The following EHBP1 variants were observed in gnomAD, a reference collection of about 807,000 sequenced individuals.
EHBP1 encodes EH domain-binding protein 1.
EHBP1 carries 55 observed loss-of-function variants against 144.0 expected under a neutral mutation model. That is an observed-to-expected ratio of 0.38 (90% CI 0.31 to 0.48). EHBP1 has a LOEUF of 0.48. EHBP1 is among the 20% of genes least tolerant of loss of function. EHBP1 has a pLI of 0.98. For synonymous variants in EHBP1, 469 were observed against 472.7 expected, an observed-to-expected ratio of 0.99 and a Z score of 0.10; for missense variants, 1,200 against 1,364.2, an observed-to-expected ratio of 0.88 and a Z score of 1.90.
At chr2:62,748,847 T>C (rs2039401571) in intron 3 of EHBP1, among the ~76,000 whole-genome samples, 2 of 152,162 alleles carry the variant, frequency 1.3e-5, no homozygotes, top group Non-Finnish European at 2.9e-5. Context: ...TTTTCAAGTC[T>C]TTTATTTTTA....
intron 5 of EHBP1, among the ~76,000 whole-genome samples, chr2:62,818,310 GT>G (rs2045599413): frequency 6.7e-6 from 1 of 148,746 alleles, no homozygotes. Flanking sequence ...CATTTAAAAA[GT>G]TTTTTAAATG....
intron 17 of EHBP1, 93 bp downstream of exon 17, chr2:62,993,761 A>T (rs1295404648): frequency 1.4e-6 from 1 of 711,128 alleles, no homozygotes; most frequent in Non-Finnish European, 2.0e-6. Context: ...TATATATAGC[A>T]TATATATATA....
chr2:62,799,003 CAAAAAA>C (rs757731955), intron 5 of EHBP1, among the ~76,000 whole-genome samples: 28 of 76,786 alleles, frequency 3.6e-4, no homozygotes, highest in African/African-American at 1.4e-3. Flanking sequence ...GACTCCGTCT[CAAAAAA>C]AAAAAAAAAA....
chr2:62,833,723 C>G (rs1287958488), intron 7 of EHBP1, among the ~76,000 whole-genome samples: 1 of 152,192 alleles, frequency 6.6e-6, no homozygotes, highest in African/African-American at 2.4e-5. Flanking sequence ...TTCTGCAGCA[C>G]ATAGTTCAAG....
At chr2:62,901,788 A>G (rs1249921496) in intron 10 of EHBP1, among the ~76,000 whole-genome samples, 1 of 152,038 alleles carries the variant, frequency 6.6e-6, no homozygotes, top group African/African-American at 2.4e-5. Context: ...CAACATGGCA[A>G]AACCCTATCT....
At chr2:62,908,533 T>A (rs1051674611) in intron 10 of EHBP1, among the ~76,000 whole-genome samples, 22 of 152,158 alleles carry the variant, frequency 1.4e-4, no homozygotes, top group Admixed American at 5.9e-4. Flanking sequence ...ACCTTTATTC[T>A]TTTTTAATAT....
chr2:62,787,044 T>C (rs903631927), intron 5 of EHBP1, among the ~76,000 whole-genome samples: 2 of 152,206 alleles, frequency 1.3e-5, no homozygotes, highest in African/African-American at 4.8e-5. Flanking sequence ...CTGTATTTCA[T>C]AGCCTTGCAA....
intron 7 of EHBP1, among the ~76,000 whole-genome samples, chr2:62,854,885 G>A (rs1319700019): frequency 6.6e-6 from 1 of 152,180 alleles, no homozygotes; most frequent in Non-Finnish European, 1.5e-5. Flanking sequence ...TTCTGAGTTG[G>A]GGCTGGAGCT....
At chr2:63,000,304 T>A (rs2059796575) in intron 19 of EHBP1, among the ~76,000 whole-genome samples, 1 of 152,116 alleles carries the variant, frequency 6.6e-6, no homozygotes, top group African/African-American at 2.4e-5. Context: ...TATGTCTGGT[T>A]CCTTCTAAAA....
intron 2 of EHBP1, among the ~76,000 whole-genome samples, chr2:62,711,050 C>T (rs562280187): frequency 6.6e-6 from 1 of 152,238 alleles, no homozygotes; most frequent in East Asian, 1.9e-4. Context: ...TATGGACTGT[C>T]ATGAGTAAAA....
Position 62,729,526 on chromosome 2 carries a change from AT to A in EHBP1, c.105-17868del, listed in dbSNP as rs1395694323. 1.6e-4 allele frequency among the ~76,000 whole-genome samples: 16 copies of A among 100,038 alleles called. No homozygotes were observed. The South Asian group carries it at 2.4e-3, about 15-fold the overall frequency. The allele number at this position is 100,038 out of a possible 152,430, so 65.6% of individuals were successfully genotyped here. The stretch of plus-strand genomic sequence containing the variant: ...AATAAATATAATAAAATAAATAAAT[AT>A]AATATATATAATATATATTATATAT... On this transcript the variant is annotated intron_variant, in intron 2 of 22. Transcript: ENST00000431489.
At chr2:62,758,993 G>T (rs576608587) in intron 3 of EHBP1, among the ~76,000 whole-genome samples, 2 of 152,126 alleles carry the variant, frequency 1.3e-5, no homozygotes, top group Non-Finnish European at 1.5e-5. Context: ...CAGAAATAAC[G>T]AATGATTGCT....
Position 62,806,249 on chromosome 2 carries a change from GCTGGGATTGCAGGCATGAGCCA to G in EHBP1, c.313-19834_313-19813del, listed in dbSNP as rs1342318744. ...TCCTCTTGTCTTGACCTCCCAAAGT[GCTGGGATTGCAGGCATGAGCCA>G]CTGTGCCCAGCCAGTTACTATTTTC... On this transcript the variant is annotated intron_variant, in intron 5 of 22. Coordinates refer to ENST00000431489, the MANE Select transcript of EHBP1 (RefSeq NM_001142616.3). 6.6e-5 allele frequency among the ~76,000 whole-genome samples: 10 copies of G among 152,278 alleles called. No individual in the cohort carries two copies. The East Asian group carries it at 1.9e-3, about 29-fold the overall frequency.
At chr2:62,879,630 G>A (rs1327906521) in intron 10 of EHBP1, among the ~76,000 whole-genome samples, 2 of 149,964 alleles carry the variant, frequency 1.3e-5, no homozygotes, top group African/African-American at 4.9e-5. Flanking sequence ...GGGAGAGAGA[G>A]CCTATGAATA....
chr2:62,950,874 G>A (rs377103582), intron 13 of EHBP1, among the ~76,000 whole-genome samples: 40 of 151,976 alleles, frequency 2.6e-4, no homozygotes, highest in Middle Eastern at 6.8e-3. Flanking sequence ...TAGTAGAGAC[G>A]GTGTTTCTCC....
At chr2:62,764,178 C>A in intron 3 of EHBP1, 88 bp from the exon 4 acceptor site, 1 of 926,528 alleles carries the variant, frequency 1.1e-6, no homozygotes, top group Non-Finnish European at 1.6e-6. Context: ...TCCTGTACTT[C>A]ATATTGAAGG....
At chr2:62,708,509 C>T (rs2034816471) in intron 2 of EHBP1, among the ~76,000 whole-genome samples, 1 of 152,176 alleles carries the variant, frequency 6.6e-6, no homozygotes, top group Non-Finnish European at 1.5e-5. Context: ...TATTTAACTT[C>T]TCCGTGATTC....
At chr2:63,009,233 A>C (rs1222427608) in intron 19 of EHBP1, among the ~76,000 whole-genome samples, 2 of 151,690 alleles carry the variant, frequency 1.3e-5, no homozygotes, top group Non-Finnish European at 3.0e-5. Context: ...TGTAAAACTC[A>C]AGTACATTTC....
intron 1 of EHBP1, among the ~76,000 whole-genome samples, chr2:62,699,013 T>C (rs1036826994): frequency 4.3e-4 from 66 of 152,348 alleles, no homozygotes; most frequent in African/African-American, 1.5e-3. Context: ...GTGTGTTCTT[T>C]GTACTGTATG....
Sources: allele counts gnomAD v4.1 joint callset (sites outside exome capture counted in the v4.1 genomes callset), GRCh38; gene constraint gnomAD v4.1.1; transcripts MANE v1.5; gene names NCBI Gene and HGNC (gene_info 2026-07-23, HGNC 2026-07-21).